The following TDRD5 variants were observed in gnomAD, a reference collection of about 807,000 sequenced individuals.
The protein encoded by TDRD5 is tudor domain-containing protein 5.
In TDRD5, 41 loss-of-function variants were observed where a neutral mutation model predicts 120.6. That is an observed-to-expected ratio of 0.34 (90% confidence interval 0.26 to 0.44). The LOEUF (loss-of-function observed/expected upper bound fraction) is 0.44, where lower values mean the gene tolerates loss of function less well. Ranked by LOEUF, TDRD5 falls within the 20% of genes least tolerant of loss-of-function variation. TDRD5 has a pLI of 1.00. For synonymous variants in TDRD5, 430 were observed against 433.7 expected (o/e 0.99, Z 0.11); for missense variants, 1,006 against 1,221.2 (o/e 0.82, Z 2.63).
intron 4 of TDRD5, among the ~76,000 whole-genome samples, chr1:179,608,228 C>T (rs1041159181): frequency 2.6e-5 from 4 of 151,670 alleles, no homozygotes; most frequent in Non-Finnish European, 5.9e-5. Flanking sequence ...GTTTGGTTTT[C>T]CACAGTTTGA....
chr1:179,597,377 G>C (rs1675455200), intron 4 of TDRD5, among the ~76,000 whole-genome samples: 1 of 146,590 alleles, frequency 6.8e-6, no homozygotes, highest in Non-Finnish European at 1.5e-5. Context: ...TGTCACCCAG[G>C]CTGGAGTGCA....
At chr1:179,671,772 T>C (rs914506640) in intron 17 of TDRD5, among the ~76,000 whole-genome samples, 7 of 152,124 alleles carry the variant, frequency 4.6e-5, no homozygotes, top group African/African-American at 1.7e-4. Flanking sequence ...CAAAGTCCAA[T>C]GTATCATTTT....
At chr1:179,686,724 G>GT (rs1475417444) in intron 17 of TDRD5, among the ~76,000 whole-genome samples, 6 of 152,206 alleles carry the variant, frequency 3.9e-5, no homozygotes, top group African/African-American at 1.4e-4. Flanking sequence ...TTCAGAGCCT[G>GT]TTATTGGTCT....
In TDRD5 at chr1:179,635,658, A is replaced by C. The variant is rs1245906647; in HGVS notation, c.1300-9A>C. The C allele has an allele frequency of 6.2e-7, 1 of 1,607,524 alleles. No individual in the cohort carries two copies. The highest frequency in any genetic ancestry group is 8.5e-7 in the Non-Finnish European group (1 of 1,177,666). Reference sequence around the variant, plus strand: ...AAGAGATTTTTAATTTTTTTTTTCTAACTTATAGCAAGTAGAAACAAACAA... The same window carrying C: ...AAGAGATTTTTAATTTTTTTTTTCTCACTTATAGCAAGTAGAAACAAACAA... On this transcript the variant is annotated splice_polypyrimidine_tract_variant and intron_variant, in intron 8 of 17. Coordinates refer to ENST00000444136, the MANE Select transcript of TDRD5 (RefSeq NM_001199085.3).
chr1:179,608,040 T>C (rs1043216447), intron 4 of TDRD5, among the ~76,000 whole-genome samples: 3 of 152,016 alleles, frequency 2.0e-5, no homozygotes, highest in Admixed American at 1.3e-4. Flanking sequence ...TTTTGAAATA[T>C]TATTTTTCCA....
chr1:179,663,598 TAAC>T (rs1679423617), intron 16 of TDRD5, 107 bp downstream of exon 16: 23 of 1,395,944 alleles, frequency 1.6e-5, no homozygotes, highest in Non-Finnish European at 2.1e-5. Context: ...GCCTGTCTCT[TAAC>T]AGCTTGCTGT....
At chr1:179,605,902 C>T (rs571273475) in intron 4 of TDRD5, among the ~76,000 whole-genome samples, 185 of 152,176 alleles carry the variant, frequency 1.2e-3, no homozygotes, top group African/African-American at 4.4e-3. Flanking sequence ...TTGCTATAAA[C>T]GTGTGTGGGT....
chr1:179,662,419 G>A, intron 15 of TDRD5, 133 bp downstream of exon 15: 3 of 866,232 alleles, frequency 3.5e-6, no homozygotes, highest in Non-Finnish European at 5.0e-6. Flanking sequence ...TGGGCAACAT[G>A]GTGAGACCCT....
intron 11 of TDRD5, among the ~76,000 whole-genome samples, chr1:179,647,366 A>G (rs937396457): frequency 0.028 from 4,223 of 150,980 alleles, 165 homozygotes; most frequent in African/African-American, 0.095. Flanking sequence ...TTCCCTATTT[A>G]ATAAATGGTG....
At chr1:179,628,835 G>A (rs1677281891) in intron 6 of TDRD5, among the ~76,000 whole-genome samples, 1 of 152,128 alleles carries the variant, frequency 6.6e-6, no homozygotes, top group Non-Finnish European at 1.5e-5. Flanking sequence ...TCATATTTGA[G>A]TTTTGATAAT....
At chr1:179,672,020 A>G (rs1247462145) in intron 17 of TDRD5, among the ~76,000 whole-genome samples, 1 of 145,832 alleles carries the variant, frequency 6.9e-6, no homozygotes, top group Non-Finnish European at 1.5e-5. Flanking sequence ...CCACTCATTG[A>G]TTGATGGGCA....
At chr1:179,684,764 AT>A (rs2147817292) in intron 17 of TDRD5, among the ~76,000 whole-genome samples, 1 of 152,276 alleles carries the variant, frequency 6.6e-6, no homozygotes, top group South Asian at 2.1e-4. Flanking sequence ...ATATTATCTC[AT>A]TGTGGTTTTG....
At chr1:179,615,340 ACTGTCT>A (rs1676509084) in intron 4 of TDRD5, among the ~76,000 whole-genome samples, 1 of 152,150 alleles carries the variant, frequency 6.6e-6, no homozygotes, top group African/African-American at 2.4e-5. Context: ...TGGGCAAATA[ACTGTCT>A]CTGTTAACGT....
chr1:179,607,494 A>G (rs1173417426), intron 4 of TDRD5, among the ~76,000 whole-genome samples: 1 of 151,928 alleles, frequency 6.6e-6, no homozygotes, highest in Non-Finnish European at 1.5e-5. Flanking sequence ...TTTGCCTTGT[A>G]CCTGGTTAAG....
intron 17 of TDRD5, among the ~76,000 whole-genome samples, chr1:179,680,362 TTCAA>T: frequency 6.6e-6 from 1 of 152,348 alleles, no homozygotes; most frequent in East Asian, 1.9e-4. Flanking sequence ...TTTCTAATTT[TTCAA>T]TCAATTATTG....
intron 4 of TDRD5, among the ~76,000 whole-genome samples, chr1:179,598,382 T>C (rs1207471559): frequency 6.6e-6 from 1 of 152,242 alleles, no homozygotes; most frequent in African/African-American, 2.4e-5. Context: ...CAAATCAACT[T>C]GTCAGTTTCT....
intron 4 of TDRD5, among the ~76,000 whole-genome samples, chr1:179,603,150 G>T (rs1309416699): frequency 6.6e-6 from 1 of 152,072 alleles, no homozygotes; most frequent in Non-Finnish European, 1.5e-5. Context: ...TTGTGAAGGG[G>T]TTGAGTTCTT....
intron 17 of TDRD5, among the ~76,000 whole-genome samples, chr1:179,684,999 GT>G (rs78411507): frequency 0.038 from 5,772 of 152,230 alleles, 172 homozygotes; most frequent in East Asian, 0.1. Context: ...TAGGTTGCCT[GT>G]TCACTCTAAT....
intron 4 of TDRD5, among the ~76,000 whole-genome samples, chr1:179,614,796 G>A (rs765577080): frequency 2.6e-5 from 4 of 151,890 alleles, no homozygotes; most frequent in Admixed American, 6.6e-5. Flanking sequence ...TATATATGGT[G>A]CACAACTTGA....
Sources: gnomAD v4.1 joint callset for allele counts (sites outside exome capture counted in the v4.1 genomes callset) on GRCh38, gnomAD v4.1.1 for gene constraint, MANE v1.5 for transcripts, NCBI Gene and HGNC (gene_info 2026-07-23, HGNC 2026-07-21) for gene names.